Variants in KPNA1 observed in about 807,000 individuals in gnomAD.
The protein encoded by KPNA1 is karyopherin subunit alpha 1, also known as importin subunit alpha-5.
KPNA1 carries 10 observed loss-of-function variants against 70.5 expected under a neutral mutation model. The observed-to-expected ratio is 0.14, with a 90% CI of 0.09 to 0.24. The LOEUF is 0.24. KPNA1 is among the 10% of genes least tolerant of loss of function. The pLI, the probability that KPNA1 is intolerant of heterozygous loss-of-function variation, is 1.00. For synonymous variants in KPNA1, 192 were observed against 221.9 expected (o/e 0.87, Z 1.20); for missense variants, 397 against 637.9 (o/e 0.62, Z 4.07).
chr3:122,441,517 A>C (rs1260138560), intron 10 of KPNA1, among the ~76,000 whole-genome samples: 2 of 152,212 alleles, frequency 1.3e-5, no homozygotes, highest in African/African-American at 4.8e-5. Context: ...AAAAATAGTC[A>C]CTATCATAGG....
At chr3:122,452,957 T>C (rs1441944978) in intron 6 of KPNA1, among the ~76,000 whole-genome samples, 1 of 151,520 alleles carries the variant, frequency 6.6e-6, no homozygotes, top group Non-Finnish European at 1.5e-5. Flanking sequence ...AGCCACTTTC[T>C]TTTTTTTTGA....
At chr3:122,473,058 G>GT (rs1465367929) in intron 2 of KPNA1, among the ~76,000 whole-genome samples, 2 of 152,102 alleles carry the variant, frequency 1.3e-5, no homozygotes, top group Admixed American at 6.6e-5. Context: ...TTCAGCCTAG[G>GT]TAACAGCGAG....
chr3:122,493,403 G>A (rs192820864), intron 2 of KPNA1, among the ~76,000 whole-genome samples: 8 of 151,016 alleles, frequency 5.3e-5, no homozygotes, highest in South Asian at 2.1e-4. Context: ...CTACAACAAT[G>A]GAAAAACAGA....
chr3:122,501,030 CTT>C (rs112073834), intron 1 of KPNA1, among the ~76,000 whole-genome samples: 57 of 126,836 alleles, frequency 4.5e-4, no homozygotes, highest in Non-Finnish European at 6.0e-4. Flanking sequence ...CTTTTCTTTC[CTT>C]TTTTTTTTTT....
At chr3:122,429,434 G>A (rs538256570) in intron 12 of KPNA1, among the ~76,000 whole-genome samples, 12 of 86,566 alleles carry the variant, frequency 1.4e-4, no homozygotes, top group African/African-American at 5.2e-4. Context: ...GCGAAAGAGC[G>A]AAACTCTGTC....
chr3:122,462,960 T>C (rs1046248392), intron 4 of KPNA1, among the ~76,000 whole-genome samples: 1 of 152,044 alleles, frequency 6.6e-6, no homozygotes, highest in African/African-American at 2.4e-5. Flanking sequence ...CGGTGGCTCA[T>C]GCCTGTAATC....
chr3:122,432,044 C>T (rs2075917439), intron 12 of KPNA1, among the ~76,000 whole-genome samples: 2 of 152,078 alleles, frequency 1.3e-5, no homozygotes, highest in African/African-American at 2.4e-5. Flanking sequence ...CCTTGTGATC[C>T]ACCTGCCTTG....
intron 2 of KPNA1, among the ~76,000 whole-genome samples, chr3:122,489,435 G>A (rs1234147558): frequency 2.0e-5 from 3 of 151,696 alleles, no homozygotes; most frequent in African/African-American, 4.8e-5. Flanking sequence ...TATAGCGTGC[G>A]CCACTAAGCC....
chr3:122,507,871 T>C (rs1041342222), intron 1 of KPNA1, among the ~76,000 whole-genome samples: 1 of 152,224 alleles, frequency 6.6e-6, no homozygotes, highest in South Asian at 2.1e-4. Context: ...TATCCATTAA[T>C]GAATTTAATA....
intron 10 of KPNA1, among the ~76,000 whole-genome samples, chr3:122,438,473 G>A (rs956404281): frequency 2.0e-5 from 3 of 151,124 alleles, no homozygotes; most frequent in Admixed American, 6.6e-5. Flanking sequence ...CGCAACCTCC[G>A]CCTCCTGGGT....
At chr3:122,506,637 A>G (rs1321693888) in intron 1 of KPNA1, among the ~76,000 whole-genome samples, 1 of 152,222 alleles carries the variant, frequency 6.6e-6, no homozygotes, top group Non-Finnish European at 1.5e-5. Flanking sequence ...TGGCAGACAT[A>G]TGATTCATAG....
intron 4 of KPNA1, among the ~76,000 whole-genome samples, chr3:122,462,256 G>C (rs1243023435): frequency 6.6e-6 from 1 of 152,106 alleles, no homozygotes; most frequent in Non-Finnish European, 1.5e-5. Context: ...GCAAAGTTCA[G>C]CATCTAAGTT....
intron 2 of KPNA1, among the ~76,000 whole-genome samples, chr3:122,486,333 T>C (rs2076628280): frequency 6.6e-6 from 1 of 152,182 alleles, no homozygotes; most frequent in African/African-American, 2.4e-5. Flanking sequence ...AATAAGTGAA[T>C]ACCAAAATGA....
At chr3:122,468,529 T>C (rs1005918626) in intron 2 of KPNA1, among the ~76,000 whole-genome samples, 3 of 152,194 alleles carry the variant, frequency 2.0e-5, no homozygotes, top group Non-Finnish European at 4.4e-5. Flanking sequence ...TAGTTTCTTT[T>C]ACCCAGTACA....
At chr3:122,437,110 GA>G (rs35358185) in intron 11 of KPNA1, 59 bp downstream of exon 11, 1 of 1,567,666 alleles carries the variant, frequency 6.4e-7, no homozygotes. Flanking sequence ...GGGTGACTGA[GA>G]AAAAAACCTT....
chr3:122,446,357 G>A (rs192586259), intron 9 of KPNA1, among the ~76,000 whole-genome samples: 7 of 152,308 alleles, frequency 4.6e-5, no homozygotes, highest in Admixed American at 3.3e-4. Flanking sequence ...TAGAACTCAG[G>A]ATTAAGAAAC....
intron 11 of KPNA1, among the ~76,000 whole-genome samples, 198 bp downstream of exon 11, chr3:122,436,972 G>T (rs773212715): frequency 3.3e-5 from 5 of 152,114 alleles, no homozygotes; most frequent in Non-Finnish European, 5.9e-5. Flanking sequence ...TAGAGACAAG[G>T]TTTCAGCATG....
chr3:122,480,257 G>A (rs1185920689), intron 2 of KPNA1, among the ~76,000 whole-genome samples: 1 of 150,452 alleles, frequency 6.6e-6, no homozygotes, highest in Non-Finnish European at 1.5e-5. Context: ...CACCAGGAAT[G>A]AATCTTAATA....
chr3:122,453,068 C>T (rs1432997555), intron 6 of KPNA1, among the ~76,000 whole-genome samples: 2 of 152,028 alleles, frequency 1.3e-5, no homozygotes, highest in East Asian at 1.9e-4. Context: ...CCCACCTCAG[C>T]CTCTCAAGCA....
Sources: gnomAD v4.1 joint callset for allele counts (sites outside exome capture counted in the v4.1 genomes callset) on GRCh38, gnomAD v4.1.1 for gene constraint, MANE v1.5 for transcripts, NCBI Gene and HGNC (gene_info 2026-07-23, HGNC 2026-07-21) for gene names.